EHBP1: variants seen among roughly 807,000 people sequenced by gnomAD.
EHBP1 encodes the protein EH domain-binding protein 1.
Under a neutral mutation model 144.0 loss-of-function variants are expected in EHBP1, and 55 were observed. The observed-to-expected ratio is 0.38, with a 90% CI of 0.31 to 0.48. The LOEUF is 0.48. EHBP1 is among the 20% of genes least tolerant of loss of function. The pLI is 0.98. For missense variants in EHBP1, 1,200 were observed against 1,364.2 expected, an observed-to-expected ratio of 0.88 and a Z score of 1.90; for synonymous variants, 469 against 472.7, an observed-to-expected ratio of 0.99 and a Z score of 0.10.
At chr2:62,814,566 A>G (rs2045300552) in intron 5 of EHBP1, among the ~76,000 whole-genome samples, 1 of 152,244 alleles carries the variant, frequency 6.6e-6, no homozygotes, top group African/African-American at 2.4e-5. Flanking sequence ...TACTCAGAAC[A>G]GAACTTAAGA....
intron 5 of EHBP1, among the ~76,000 whole-genome samples, chr2:62,817,347 A>G (rs1427787787): frequency 6.6e-6 from 1 of 152,186 alleles, no homozygotes; most frequent in Admixed American, 6.5e-5. Flanking sequence ...TAGCCATATA[A>G]TATCTATGAG....
chr2:63,025,603 A>C (rs1453810392), intron 19 of EHBP1, among the ~76,000 whole-genome samples: 2 of 152,214 alleles, frequency 1.3e-5, no homozygotes, highest in Non-Finnish European at 2.9e-5. Flanking sequence ...AGGACATTAC[A>C]ACACAAGGAC....
At chr2:62,720,945 C>CT (rs1558546330) in intron 2 of EHBP1, among the ~76,000 whole-genome samples, 2 of 152,076 alleles carry the variant, frequency 1.3e-5, no homozygotes, top group East Asian at 3.9e-4. Context: ...CATCACCCAG[C>CT]TTTTTTTGGG....
intron 8 of EHBP1, among the ~76,000 whole-genome samples, chr2:62,862,229 T>C (rs1182165529): frequency 1.3e-5 from 2 of 152,202 alleles, no homozygotes; most frequent in East Asian, 1.9e-4. Context: ...CAGCTCAGAA[T>C]TTTTCATTTT....
At chr2:63,032,825 T>C (rs2061317110) in intron 19 of EHBP1, among the ~76,000 whole-genome samples, 1 of 152,042 alleles carries the variant, frequency 6.6e-6, no homozygotes, top group South Asian at 2.1e-4. Flanking sequence ...GACAGGTAAA[T>C]AAAAGATATG....
At chr2:62,862,469 G>A (rs960056753) in intron 8 of EHBP1, among the ~76,000 whole-genome samples, 3 of 151,996 alleles carry the variant, frequency 2.0e-5, no homozygotes, top group African/African-American at 7.2e-5. Context: ...AATTAGCCAG[G>A]CGTGATGGCG....
intron 5 of EHBP1, among the ~76,000 whole-genome samples, chr2:62,810,205 A>G (rs1471031771): frequency 6.6e-6 from 1 of 152,210 alleles, no homozygotes; most frequent in East Asian, 1.9e-4. Flanking sequence ...GTATATTTAT[A>G]ATTTTCTGTG....
intron 7 of EHBP1, among the ~76,000 whole-genome samples, chr2:62,837,919 TAGAC>T (rs2047424405): frequency 1.4e-5 from 2 of 146,376 alleles, no homozygotes; most frequent in African/African-American, 5.0e-5. Context: ...CTGTCAACAT[TAGAC>T]AGATCAACGA....
chr2:62,826,201 A>G lies in EHBP1; in HGVS notation c.427A>G (p.Lys143Glu). 3 of 1,611,612 alleles carry G rather than the reference A, an allele frequency of 1.9e-6. No homozygotes were observed. Among genetic ancestry groups the G allele is most frequent in the Non-Finnish European group, 2.5e-6 (3 of 1,178,924 alleles). Residue 143 changes from lysine (K) to glutamate (E), a missense_variant, in exon 6 of 23, where the codon AAA becomes GAA. Lys to Glu is a moderately conservative substitution (Grantham distance 56). This residue lies in a region of EHBP1 where 137 missense variants were observed against 190.1 expected (regional missense o/e 0.72). Coordinates refer to ENST00000431489, the MANE Select transcript of EHBP1 (RefSeq NM_001142616.3). ...DVKLKFKPLS[K>E]KVVSAALQFS... ...CAAGTTAAAATTCAAGCCATTATCT[A>G]AAAAAGTTGTATCTGCCGCTCTTCA... is the stretch of plus-strand genomic sequence containing the variant.
At position 62,948,682 on chromosome 2, in the gene EHBP1, T is replaced by G; in HGVS notation, c.1836T>G (p.Thr612=). ...PSTASPYCRR[T]KSDTEPQKSQ... is the part of the protein sequence containing the mutation. ...CAGCCTCCCCTTACTGTCGCAGGAC[T>G]AAAAGTGACACAGAACCCCAGAAGT... Residue 612 remains threonine (T), a synonymous_variant, in exon 13 of 23, where the codon ACT becomes ACG. Coordinates refer to ENST00000431489, the MANE Select transcript of EHBP1 (RefSeq NM_001142616.3). 1 of 1,614,052 alleles carries G rather than the reference T, an allele frequency of 6.2e-7. No homozygotes were observed. The highest frequency in any genetic ancestry group is 1.3e-5 in the African/African-American group (1 of 75,054).
At chr2:62,826,426 TATAA>T in intron 6 of EHBP1, 158 bp downstream of exon 6, 2 of 575,160 alleles carry the variant, frequency 3.5e-6, no homozygotes, top group East Asian at 6.4e-5. Context: ...CCTTGTTACT[TATAA>T]ATAGTCTCTT....
chr2:63,000,113 G>T (rs2059789103), intron 19 of EHBP1, among the ~76,000 whole-genome samples: 1 of 152,128 alleles, frequency 6.6e-6, no homozygotes, highest in African/African-American at 2.4e-5. Context: ...GGATGGGTGG[G>T]GCCTGGATGG....
intron 10 of EHBP1, among the ~76,000 whole-genome samples, chr2:62,928,014 A>G (rs2055668481): frequency 6.6e-6 from 1 of 152,250 alleles, no homozygotes; most frequent in African/African-American, 2.4e-5. Context: ...GGATCAAAGA[A>G]GAAATCACAA....
intron 7 of EHBP1, among the ~76,000 whole-genome samples, chr2:62,839,234 C>A (rs1169711345): frequency 6.6e-6 from 1 of 152,098 alleles, no homozygotes; most frequent in African/African-American, 2.4e-5. Flanking sequence ...GAACCAAAGA[C>A]AAAAACCCCA....
intron 8 of EHBP1, among the ~76,000 whole-genome samples, chr2:62,862,926 C>A (rs191523443): frequency 8.5e-4 from 129 of 151,692 alleles, no homozygotes; most frequent in African/African-American, 2.9e-3. Context: ...AAAAAAAAAG[C>A]CTCGTGCTAA....
At chr2:62,792,370 A>G (rs1175821808) in intron 5 of EHBP1, among the ~76,000 whole-genome samples, 1 of 152,040 alleles carries the variant, frequency 6.6e-6, no homozygotes, top group African/African-American at 2.4e-5. Context: ...GAGCAGGGCT[A>G]ACTCCTAGGC....
chr2:62,920,330 G>A (rs1274256797), intron 10 of EHBP1, among the ~76,000 whole-genome samples: 1 of 151,996 alleles, frequency 6.6e-6, no homozygotes, highest in African/African-American at 2.4e-5. Context: ...TATTCAAACT[G>A]CTAAAAGACA....
intron 7 of EHBP1, among the ~76,000 whole-genome samples, chr2:62,836,767 A>G (rs1468875704): frequency 4.1e-4 from 60 of 145,602 alleles, no homozygotes; most frequent in African/African-American, 1.4e-3. Flanking sequence ...AATGAAATGA[A>G]GCGAGAAGGG....
intron 10 of EHBP1, among the ~76,000 whole-genome samples, chr2:62,932,304 A>C (rs377336523): frequency 1.3e-5 from 2 of 152,202 alleles, no homozygotes; most frequent in East Asian, 3.8e-4. Context: ...CACAAAATCC[A>C]AGAGGTGGAA....
Sources: allele counts gnomAD v4.1 joint callset (sites outside exome capture counted in the v4.1 genomes callset), GRCh38; gene constraint gnomAD v4.1.1; regional missense constraint gnomAD v4.1.1; transcripts MANE v1.5; gene names NCBI Gene and HGNC (gene_info 2026-07-23, HGNC 2026-07-21).